The following AVEN variants were observed in gnomAD, a reference collection of about 807,000 sequenced individuals.
AVEN encodes apoptosis and caspase activation inhibitor.
In AVEN, 41 loss-of-function variants were observed where a neutral mutation model predicts 38.1. That is an observed-to-expected ratio of 1.08 (90% CI 0.84 to 1.40). The LOEUF is 1.40. Ranked by LOEUF, AVEN falls within the 40% of genes most tolerant of loss-of-function variation. AVEN has a pLI of 0.00. For missense variants in AVEN, 605 were observed against 438.8 expected (o/e 1.38, Z -3.38); for synonymous variants, 206 against 171.8 (o/e 1.20, Z -1.56).
intron 2 of AVEN, 70 bp from the exon 3 acceptor site, chr15:33,876,065 G>T: frequency 6.9e-7 from 1 of 1,448,784 alleles, no homozygotes; most frequent in Non-Finnish European, 9.4e-7. Flanking sequence ...AAATTTCCCT[G>T]CTAGAGCAAA....
chr15:33,919,198 G>C (rs1243051570), intron 2 of AVEN, among the ~76,000 whole-genome samples: 1 of 152,022 alleles, frequency 6.6e-6, no homozygotes, highest in Admixed American at 6.6e-5. Context: ...TGAGATTACA[G>C]GTGCTTTTGT....
intron 2 of AVEN, among the ~76,000 whole-genome samples, chr15:33,895,670 C>T (rs959150920): frequency 1.3e-5 from 2 of 152,148 alleles, no homozygotes; most frequent in Non-Finnish European, 2.9e-5. Context: ...TGTATTCTAA[C>T]TGGTTTACCT....
intron 1 of AVEN, among the ~76,000 whole-genome samples, chr15:34,071,556 G>A (rs1176493364): frequency 6.6e-6 from 1 of 152,162 alleles, no homozygotes; most frequent in Non-Finnish European, 1.5e-5. Context: ...GATTCCAGGT[G>A]TGAGGCACCG....
intron 2 of AVEN, among the ~76,000 whole-genome samples, chr15:33,948,681 A>T (rs1894600795): frequency 6.6e-6 from 1 of 151,734 alleles, no homozygotes; most frequent in Non-Finnish European, 1.5e-5. Flanking sequence ...GTGTTTGTTT[A>T]TTTGTTTTTA....
chr15:33,938,883 C>G (rs1054864098), intron 2 of AVEN, among the ~76,000 whole-genome samples: 1 of 151,982 alleles, frequency 6.6e-6, no homozygotes, highest in African/African-American at 2.4e-5. Flanking sequence ...CTCTTGTTGC[C>G]GAGGCTGGAA....
chr15:33,982,873 A>G (rs180801847), intron 2 of AVEN, among the ~76,000 whole-genome samples: 30 of 151,928 alleles, frequency 2.0e-4, no homozygotes, highest in Admixed American at 1.8e-3. Context: ...AATTATCCCA[A>G]CTTCTGAGGG....
At chr15:33,911,693 A>G (rs1470636118) in intron 2 of AVEN, among the ~76,000 whole-genome samples, 2 of 152,196 alleles carry the variant, frequency 1.3e-5, no homozygotes, top group African/African-American at 2.4e-5. Context: ...TAAACATAAA[A>G]GCATATATTA....
chr15:33,928,997 A>G (rs548129647), intron 2 of AVEN, among the ~76,000 whole-genome samples: 1 of 152,258 alleles, frequency 6.6e-6, no homozygotes, highest in African/African-American at 2.4e-5. Flanking sequence ...TCTAATCATA[A>G]CGGCCTCAAG....
At chr15:33,852,912 T>C in the AVEN span, 2 of 736,848 alleles carry the variant, frequency 2.7e-6, no homozygotes, top group Non-Finnish European at 4.6e-6. Context: ...TTCAATCAGA[T>C]CTTAAAATTC....
At chr15:33,909,267 C>T (rs770574423) in intron 2 of AVEN, among the ~76,000 whole-genome samples, 1 of 152,098 alleles carries the variant, frequency 6.6e-6, no homozygotes, top group Non-Finnish European at 1.5e-5. Context: ...TTCCAACACC[C>T]AAGTGTGGCA....
At position 34,047,075 on chromosome 15, in the gene AVEN, T is replaced by G. The variant is rs1360904761; in HGVS notation, n.1637+15847A>C. On this transcript the variant is annotated intron_variant and non_coding_transcript_variant, in intron 5 of 11. Transcript: ENST00000675287. ...TTTTTGTTTTGGTTTTTTTGTTGGT[T>G]TTTTTTTTTTTCTTTTTTTGGAGAC... Among the ~76,000 whole-genome samples, 8 of 32,676 alleles carry G rather than the reference T, an allele frequency of 2.4e-4. No homozygotes were observed. The Non-Finnish European group carries it at 3.1e-3, about 13-fold the overall frequency. The allele number at this position is 32,676 out of a possible 152,430, so 21.4% of individuals were successfully genotyped here. A position where few individuals can be genotyped will look rare whatever the true frequency, so the allele number is the denominator to read the frequency against.
chr15:33,986,074 C>T (rs894660025), intron 2 of AVEN, among the ~76,000 whole-genome samples: 10 of 149,458 alleles, frequency 6.7e-5, no homozygotes, highest in African/African-American at 2.2e-4. Context: ...TTTGTGAAAA[C>T]CTCACATTTC....
intron 5 of AVEN, 49 bp downstream of exon 5, chr15:33,867,446 G>C (rs1890658259): frequency 1.3e-6 from 2 of 1,533,790 alleles, no homozygotes; most frequent in Non-Finnish European, 1.7e-6. Context: ...GGCTGTTCTT[G>C]AAAAAACACC....
intron 2 of AVEN, among the ~76,000 whole-genome samples, chr15:33,881,679 A>T (rs1357166835): frequency 6.6e-6 from 1 of 152,274 alleles, no homozygotes; most frequent in East Asian, 1.9e-4. Flanking sequence ...CATACACACA[A>T]AGTATGGTGA....
chr15:34,070,375 T>C (rs1021890834), intron 2 of AVEN, among the ~76,000 whole-genome samples: 4 of 149,718 alleles, frequency 2.7e-5, no homozygotes, highest in African/African-American at 9.9e-5. Flanking sequence ...CTTCTTTGTT[T>C]CTTTTTTTTT....
Position 33,866,373 on chromosome 15 carries a change from C to CT in AVEN, c.*239dup, listed in dbSNP as rs1208653390. On this transcript the variant is annotated 3_prime_UTR_variant, in exon 6 of 6. Transcript: ENST00000306730. ...GGAGGCTAGAAACAAGGGCCAGAGT[C>CT]TATCTCCTGCCCTTAAGGAAATCTA... 4 of 546,902 alleles carry CT rather than the reference C, an allele frequency of 7.3e-6. No individual in the cohort carries two copies. Among genetic ancestry groups the CT allele is most frequent in the Non-Finnish European group, 1.3e-5 (4 of 309,208 alleles). The allele number at this position is 546,902 out of a possible 1,614,324, so 33.9% of individuals were successfully genotyped here.
intron 2 of AVEN, among the ~76,000 whole-genome samples, chr15:33,995,599 G>A (rs1896899959): frequency 6.6e-6 from 1 of 152,116 alleles, no homozygotes; most frequent in Non-Finnish European, 1.5e-5. Flanking sequence ...TTGACAGGTG[G>A]GACCTAATTA....
At position 33,867,957 on chromosome 15, in the gene AVEN, G is replaced by C. The variant is rs1567384986; in HGVS notation, c.613-102C>G. On this transcript the variant is annotated intron_variant, in intron 4 of 5. Transcript: ENST00000306730. ...AACGAAGCCATCAAACTTTGTGACA[G>C]AGGAAACTCAATTCAGATAGTTCAC... 3.5e-6 allele frequency: 5 copies of C among 1,428,612 alleles called. No individual in the cohort carries two copies. In the South Asian group the frequency reaches 4.4e-5, roughly 12 times the overall value. 88.5% of individuals were successfully genotyped at this position (1,428,612 alleles called of 1,614,324 possible).
intron 2 of AVEN, among the ~76,000 whole-genome samples, chr15:33,888,679 TAATA>T (rs1891808141): frequency 6.6e-6 from 1 of 151,722 alleles, no homozygotes; most frequent in African/African-American, 2.4e-5. Context: ...TCAATATATT[TAATA>T]TTTATTTATA....
Sources: allele counts gnomAD v4.1 joint callset (sites outside exome capture counted in the v4.1 genomes callset), GRCh38; gene constraint gnomAD v4.1.1; transcripts MANE v1.5; gene names NCBI Gene and HGNC (gene_info 2026-07-23, HGNC 2026-07-21).